ADAMTS9: variants seen among roughly 807,000 people sequenced by gnomAD.
ADAMTS9 encodes A disintegrin and metalloproteinase with thrombospondin motifs 9.
ADAMTS9 carries 107 observed loss-of-function variants against 257.1 expected under a neutral mutation model. The observed-to-expected ratio is 0.42, with a 90% CI of 0.36 to 0.49. ADAMTS9 has a LOEUF of 0.49. Ranked by LOEUF, ADAMTS9 falls within the 20% of genes least tolerant of loss-of-function variation. ADAMTS9 has a pLI of 0.03. For synonymous variants in ADAMTS9, 982 were observed against 880.9 expected (o/e 1.11, Z -2.03); for missense variants, 2,353 against 2,469.1 (o/e 0.95, Z 1.00).
At chr3:64,668,240 C>T (rs773737573) in intron 3 of ADAMTS9, among the ~76,000 whole-genome samples, 2 of 152,112 alleles carry the variant, frequency 1.3e-5, no homozygotes, top group African/African-American at 2.4e-5. Flanking sequence ...CTAGTAGCCA[C>T]GTTTTTTTAA....
Position 64,681,408 on chromosome 3 carries a change from C to A in ADAMTS9, c.517-45G>T. ...GGAGGTTGATTTAACGTAACTCAGT[C>A]ATTGGGAGGAAAAAAACCAAAAGAA... On this transcript the variant is annotated intron_variant, in intron 2 of 39. Transcript: ENST00000498707. 3 of 1,550,528 alleles carry A rather than the reference C, an allele frequency of 1.9e-6. No individual in the cohort carries two copies. In the South Asian group the frequency reaches 3.7e-5, roughly 19 times the overall value.
intron 3 of ADAMTS9, among the ~76,000 whole-genome samples, chr3:64,676,651 T>C (rs1576185981): frequency 6.6e-6 from 1 of 151,918 alleles, no homozygotes; most frequent in Non-Finnish European, 1.5e-5. Flanking sequence ...ATTATATGCC[T>C]GCCCCATAAT....
At chr3:64,679,982 A>G (rs1701713586) in intron 3 of ADAMTS9, among the ~76,000 whole-genome samples, 1 of 152,210 alleles carries the variant, frequency 6.6e-6, no homozygotes, top group Admixed American at 6.5e-5. Flanking sequence ...CTTTAGTTAT[A>G]TTCCATCTTG....
Position 64,557,527 on chromosome 3 carries a change from C to T in ADAMTS9, c.4698+4051G>A, listed in dbSNP as rs546676088. ...GGACAAATTACTCACCTGAAGCTGGCGGGTGATATTAGAAGCCCAACATTA... is the reference window on the plus strand; with the variant it reads ...GGACAAATTACTCACCTGAAGCTGGTGGGTGATATTAGAAGCCCAACATTA... On this transcript the variant is annotated intron_variant, in intron 30 of 39. Coordinates refer to ENST00000498707, the MANE Select transcript of ADAMTS9 (RefSeq NM_182920.2). 2.7e-4 allele frequency among the ~76,000 whole-genome samples: 41 copies of T among 152,216 alleles called. 2 individuals are homozygous for T. The highest frequency in any genetic ancestry group is 8.7e-4 in the African/African-American group (36 of 41,528).
intron 28 of ADAMTS9, among the ~76,000 whole-genome samples, chr3:64,590,845 C>T (rs1412637712): frequency 6.6e-6 from 1 of 152,098 alleles, no homozygotes; most frequent in Non-Finnish European, 1.5e-5. Context: ...AGCAATTTCT[C>T]CTAAGGAGAA....
intron 25 of ADAMTS9, 152 bp downstream of exon 25, chr3:64,603,770 A>T: frequency 1.1e-6 from 1 of 923,820 alleles, no homozygotes; most frequent in Non-Finnish European, 1.6e-6. Flanking sequence ...CCAACTACAC[A>T]TAAGTGGAGC....
At chr3:64,636,361 T>G (rs1700496957) in intron 12 of ADAMTS9, among the ~76,000 whole-genome samples, 1 of 152,194 alleles carries the variant, frequency 6.6e-6, no homozygotes, top group African/African-American at 2.4e-5. Context: ...AACAGAGGGT[T>G]TGAATCCCAG....
At chr3:64,622,115 C>T in intron 18 of ADAMTS9, 83 bp downstream of exon 18, 1 of 1,392,806 alleles carries the variant, frequency 7.2e-7, no homozygotes. Flanking sequence ...TTGCAGTTTG[C>T]ATGCATTTGG....
At chr3:64,644,609 C>A (rs1700738311) in intron 11 of ADAMTS9, among the ~76,000 whole-genome samples, 1 of 152,166 alleles carries the variant, frequency 6.6e-6, no homozygotes, top group African/African-American at 2.4e-5. Flanking sequence ...CCTGAAGAGG[C>A]CCTTTGAACT....
Position 64,540,707 on chromosome 3 carries a change from C to T in ADAMTS9, c.5521+388G>A, listed in dbSNP as rs536876203. On this transcript the variant is annotated intron_variant, in intron 36 of 39. Coordinates refer to ENST00000498707, the MANE Select transcript of ADAMTS9 (RefSeq NM_182920.2). ...CTGTGCCTGGCTAACCCTAACTTGACCTTAGGGTCTCTATTTCAATGTCAT... is the reference window on the plus strand; with the variant it reads ...CTGTGCCTGGCTAACCCTAACTTGATCTTAGGGTCTCTATTTCAATGTCAT... 3.3e-5 allele frequency among the ~76,000 whole-genome samples: 5 copies of T among 152,300 alleles called. No homozygotes were observed. In the South Asian group the frequency reaches 8.3e-4, roughly 25 times the overall value.
In ADAMTS9 at chr3:64,658,728, A is replaced by T; in HGVS notation, c.743T>A (p.Ile248Asn). 6.2e-7 allele frequency: 1 copy of T among 1,614,146 alleles called. No individual in the cohort carries two copies. Among genetic ancestry groups the T allele is most frequent in the South Asian group, 1.1e-5 (1 of 91,078 alleles). Reference sequence around the variant, plus strand: ...TGCTGCTACGTCACCAGCCAGGTTAATCCTTTCTCCCCATTTTCTTGCTCT... The same window carrying T: ...TGCTGCTACGTCACCAGCCAGGTTATTCCTTTCTCCCCATTTTCTTGCTCT... ...KTRARKWGER[I>N]NLAGDVAALN... The change falls in exon 4 of 40, where the codon ATT becomes AAT. Residue 248 changes from isoleucine (I) to asparagine (N), a missense_variant. Around this residue, in one of 3 missense-constraint regions of ADAMTS9, gnomAD observed 591 missense variants for 569.6 expected, o/e 1.04. Coordinates refer to ENST00000498707, the MANE Select transcript of ADAMTS9 (RefSeq NM_182920.2).
chr3:64,561,660 G>A lies in ADAMTS9; in HGVS notation c.4616C>T (p.Pro1539Leu). ...GCGTTCCGACTCCGGTCTGGTGTAT[G>A]GGTTGCACTCGGTCTCTCTGGCTAT... ...HKIARETECN[P>L]YTRPESERDC... is the part of the protein sequence containing the mutation. Residue 1539 changes from proline to leucine, a missense_variant, in exon 30 of 40, where the codon CCA (proline) becomes CTA (leucine). Coordinates refer to ENST00000498707, the MANE Select transcript of ADAMTS9 (RefSeq NM_182920.2). The A allele has an allele frequency of 6.2e-7, 1 of 1,614,114 alleles. No homozygotes were observed. The highest frequency in any genetic ancestry group is 8.5e-7 in the Non-Finnish European group (1 of 1,180,012).
chr3:64,564,082 G>A (rs1260690334), intron 29 of ADAMTS9, among the ~76,000 whole-genome samples: 1 of 152,170 alleles, frequency 6.6e-6, no homozygotes, highest in Non-Finnish European at 1.5e-5. Flanking sequence ...TTCTTGTTCT[G>A]TTCAGTACAC....
Position 64,615,973 on chromosome 3 carries a change from G to A in ADAMTS9, c.3011C>T (p.Ser1004Phe). Residue 1004 changes from serine to phenylalanine, a missense_variant, in exon 20 of 40, where the codon TCT (serine) becomes TTT (phenylalanine). Physicochemically the swap from Ser to Phe is radical, Grantham distance 155. This residue lies in a region of ADAMTS9 where 1,402 missense variants were observed against 1,441.4 expected (regional missense o/e 0.97). Coordinates refer to ENST00000498707, the MANE Select transcript of ADAMTS9 (RefSeq NM_182920.2). ...GECNTGGWRY[S>F]AWTECSKSCD... is the part of the protein sequence containing the mutation. ...GAGCCAACTTACTTCAGTCCAGGCA[G>A]AATAGCGCCAGCCACCCGTGTTACA... is the stretch of plus-strand genomic sequence containing the variant. The A allele has an allele frequency of 6.2e-7, 1 of 1,613,178 alleles. No homozygotes were observed. The highest frequency in any genetic ancestry group is 1.7e-5 in the Admixed American group (1 of 60,008).
At chr3:64,634,027 G>T (rs1358304602) in intron 12 of ADAMTS9, 148 bp from the exon 13 acceptor site, 2 of 724,196 alleles carry the variant, frequency 2.8e-6, no homozygotes, top group African/African-American at 1.8e-5. Flanking sequence ...TCTGATCCCT[G>T]GTTTTGCATC....
intron 3 of ADAMTS9, among the ~76,000 whole-genome samples, chr3:64,676,429 T>C (rs1200354980): frequency 6.6e-6 from 1 of 152,224 alleles, no homozygotes; most frequent in Non-Finnish European, 1.5e-5. Context: ...CTGCCTATGT[T>C]CCTAGTAACC....
intron 19 of ADAMTS9, among the ~76,000 whole-genome samples, chr3:64,617,202 G>A (rs1329931076): frequency 1.3e-5 from 2 of 152,152 alleles, no homozygotes; most frequent in Admixed American, 1.3e-4. Context: ...CAAAAATGTG[G>A]CCCAATTTAA....
At chr3:64,605,569 G>A (rs1316101217) in intron 23 of ADAMTS9, among the ~76,000 whole-genome samples, 1 of 152,200 alleles carries the variant, frequency 6.6e-6, no homozygotes, top group Non-Finnish European at 1.5e-5. Context: ...CACTCAGAGT[G>A]TGAGTTCTGG....
At chr3:64,528,185 G>A (rs1163172743) in intron 38 of ADAMTS9, among the ~76,000 whole-genome samples, 3 of 152,078 alleles carry the variant, frequency 2.0e-5, no homozygotes, top group African/African-American at 7.2e-5. Context: ...GCCAGGACGT[G>A]ATCATCCTTT....
Sources: allele counts gnomAD v4.1 joint callset (sites outside exome capture counted in the v4.1 genomes callset), GRCh38; gene constraint gnomAD v4.1.1; regional missense constraint gnomAD v4.1.1; transcripts MANE v1.5; gene names NCBI Gene and HGNC (gene_info 2026-07-23, HGNC 2026-07-21).